Variants in GPC6 observed in about 807,000 individuals in gnomAD.
GPC6 encodes glypican 6, also known as glypican-6.
Under a neutral mutation model 55.2 loss-of-function variants are expected in GPC6, and 14 were observed. That is an observed-to-expected ratio of 0.25 (90% CI 0.17 to 0.40). The LOEUF (loss-of-function observed/expected upper bound fraction) is 0.40. GPC6 is among the 10% of genes least tolerant of loss of function. The pLI is 1.00. For synonymous variants in GPC6, 278 were observed against 259.6 expected (o/e 1.07, Z -0.68); for missense variants, 641 against 708.5 (o/e 0.90, Z 1.08).
intron 2 of GPC6, among the ~76,000 whole-genome samples, chr13:93,562,203 G>A (rs1875849743): frequency 6.6e-6 from 1 of 152,006 alleles, no homozygotes; most frequent in Non-Finnish European, 1.5e-5. Flanking sequence ...GCCGTTACCA[G>A]ACTCAAGCAG....
chr13:94,191,970 C>G (rs1484082002), intron 4 of GPC6, among the ~76,000 whole-genome samples: 1 of 152,096 alleles, frequency 6.6e-6, no homozygotes, highest in Non-Finnish European at 1.5e-5. Context: ...AAGAGAAGAC[C>G]TCTCATTAGC....
chr13:93,859,259 G>C (rs1481779945), intron 3 of GPC6, among the ~76,000 whole-genome samples: 1 of 151,494 alleles, frequency 6.6e-6, no homozygotes, highest in African/African-American at 2.4e-5. Context: ...ATGTATCCAC[G>C]TACCATTTTC....
chr13:93,541,783 G>C (rs1322907516), intron 1 of GPC6, among the ~76,000 whole-genome samples: 2 of 150,298 alleles, frequency 1.3e-5, no homozygotes, highest in Admixed American at 1.3e-4. Context: ...GCCAGTGATG[G>C]TGAGCATTTT....
At chr13:93,849,537 C>G (rs1266601470) in intron 3 of GPC6, among the ~76,000 whole-genome samples, 1 of 152,140 alleles carries the variant, frequency 6.6e-6, no homozygotes, top group Non-Finnish European at 1.5e-5. Context: ...AGCTCAAGAT[C>G]TGCTGAAGAG....
intron 1 of GPC6, among the ~76,000 whole-genome samples, chr13:93,279,878 A>C (rs988287602): frequency 2.6e-5 from 4 of 152,242 alleles, no homozygotes; most frequent in African/African-American, 9.6e-5. Context: ...AAGTTCTGTC[A>C]TAGTATCTTA....
chr13:93,410,434 G>A (rs918126645), intron 1 of GPC6, among the ~76,000 whole-genome samples: 2 of 152,096 alleles, frequency 1.3e-5, no homozygotes, highest in Admixed American at 6.6e-5. Flanking sequence ...GCATGCTCAC[G>A]GGTACTAATA....
intron 3 of GPC6, among the ~76,000 whole-genome samples, chr13:93,985,164 G>A (rs1394639864): frequency 1.3e-5 from 2 of 152,140 alleles, no homozygotes; most frequent in Admixed American, 6.5e-5. Flanking sequence ...GCCAGGCGCA[G>A]GGGCTCACGC....
At chr13:93,236,219 C>T (rs971793446) in intron 1 of GPC6, among the ~76,000 whole-genome samples, 2 of 152,102 alleles carry the variant, frequency 1.3e-5, no homozygotes, top group Non-Finnish European at 2.9e-5. Context: ...TCTTCATTAT[C>T]CTTTTTTTTG....
At chr13:93,301,803 G>A (rs929195489) in intron 1 of GPC6, among the ~76,000 whole-genome samples, 1 of 152,164 alleles carries the variant, frequency 6.6e-6, no homozygotes, top group African/African-American at 2.4e-5. Flanking sequence ...ACTAGTGGAC[G>A]GTCTTCTTTG....
Position 94,161,995 on chromosome 13 carries a change from T to C in GPC6, c.878-124354T>C, listed in dbSNP as rs530843549. Among the ~76,000 whole-genome samples, 10 of 152,204 alleles carry C rather than the reference T, an allele frequency of 6.6e-5. No homozygotes were observed. The South Asian group carries it at 2.1e-3, about 32-fold the overall frequency. On this transcript the variant is annotated intron_variant, in intron 4 of 8. Coordinates refer to ENST00000377047, the MANE Select transcript of GPC6 (RefSeq NM_005708.5). ...AACCGTCAGATCTCATAAGACTTATTCACTACTACAAGGACGGTATGGGAG... is the reference window on the plus strand; with the variant it reads ...AACCGTCAGATCTCATAAGACTTATCCACTACTACAAGGACGGTATGGGAG...
At chr13:93,824,609 G>A (rs1237859458) in intron 2 of GPC6, among the ~76,000 whole-genome samples, 2 of 151,988 alleles carry the variant, frequency 1.3e-5, no homozygotes, top group Non-Finnish European at 2.9e-5. Flanking sequence ...TTAAACAAAG[G>A]CACAATATTA....
chr13:93,474,809 AC>A (rs1879246754), intron 1 of GPC6, among the ~76,000 whole-genome samples: 1 of 152,132 alleles, frequency 6.6e-6, no homozygotes, highest in African/African-American at 2.4e-5. Context: ...TGGGGTCGAA[AC>A]TTTTTTATTC....
At position 93,489,544 on chromosome 13, in the gene GPC6, C is replaced by T. The variant is rs1879871975; in HGVS notation, c.161-55719C>T. On this transcript the variant is annotated intron_variant, in intron 1 of 8. Transcript: ENST00000377047. ...TAGCTTGATGGGGATGGCATTGAAT[C>T]TATAAATTACCTTGGGCAGTATGGC... 2.6e-5 allele frequency among the ~76,000 whole-genome samples: 4 copies of T among 151,454 alleles called. No homozygotes were observed. The South Asian group carries it at 8.4e-4, about 32-fold the overall frequency.
the GPC6 span, among the ~76,000 whole-genome samples, chr13:93,218,026 C>T: frequency 1.3e-5 from 2 of 152,000 alleles, no homozygotes; most frequent in African/African-American, 2.4e-5. Flanking sequence ...GGCACATCGC[C>T]GCCTGTTTCT....
chr13:93,755,238 G>A (rs1167627693), intron 2 of GPC6, among the ~76,000 whole-genome samples: 2 of 152,138 alleles, frequency 1.3e-5, no homozygotes, highest in Non-Finnish European at 2.9e-5. Context: ...CAGGAAGGTA[G>A]TGCAAGCTAC....
intron 1 of GPC6, among the ~76,000 whole-genome samples, chr13:93,503,798 T>A (rs986308047): frequency 1.3e-5 from 2 of 152,136 alleles, no homozygotes; most frequent in Non-Finnish European, 2.9e-5. Flanking sequence ...CTCAACTACT[T>A]TGTGTTAAGT....
intron 3 of GPC6, among the ~76,000 whole-genome samples, chr13:93,883,634 C>T (rs574127312): frequency 2.6e-5 from 4 of 152,012 alleles, no homozygotes; most frequent in Admixed American, 6.6e-5. Flanking sequence ...GTCCTTAGCC[C>T]ACTTTTTGAG....
Position 93,735,366 on chromosome 13 carries a change from C to G in GPC6, c.320-94788C>G, listed in dbSNP as rs201610492. Among the ~76,000 whole-genome samples the G allele has an allele frequency of 6.6e-5, 10 of 152,106 alleles. No individual in the cohort carries two copies. In the East Asian group the frequency reaches 1.9e-3, roughly 30 times the overall value. ...TGGCCAACATAGTGAAACCCCATCT[C>G]TACTAAAAATACAAAACTTAGCTGG... On this transcript the variant is annotated intron_variant, in intron 2 of 8. Transcript: ENST00000377047.
At chr13:93,870,261 A>G (rs1299251746) in intron 3 of GPC6, among the ~76,000 whole-genome samples, 1 of 151,888 alleles carries the variant, frequency 6.6e-6, no homozygotes, top group East Asian at 1.9e-4. Flanking sequence ...GTACTTAGCA[A>G]GTGGTGTGGC....
Sources: gnomAD v4.1 joint callset for allele counts (sites outside exome capture counted in the v4.1 genomes callset) on GRCh38, gnomAD v4.1.1 for gene constraint, MANE v1.5 for transcripts, NCBI Gene and HGNC (gene_info 2026-07-23, HGNC 2026-07-21) for gene names.